ZZEF1: variants seen among roughly 807,000 people sequenced by gnomAD.
ZZEF1 encodes the protein zinc finger ZZ-type and EF-hand domain-containing protein 1.
A neutral mutation model predicts 342.8 loss-of-function variants in ZZEF1; 157 were observed. That is an observed-to-expected ratio of 0.46 (90% CI 0.40 to 0.52). The LOEUF (loss-of-function observed/expected upper bound fraction) is 0.52. Among genes scored for constraint, ZZEF1 ranks in the 20% least tolerant of loss-of-function variants. The pLI, the probability that ZZEF1 is intolerant of heterozygous loss-of-function variation, is 0.00. For synonymous variants in ZZEF1, 1,505 were observed against 1,429.1 expected (o/e 1.05, Z -1.20); for missense variants, 3,480 against 3,725.6 (o/e 0.93, Z 1.72).
rs115749448 is a variant in ZZEF1 at position 4,129,992 on chromosome 17, C to T, written c.355-5941G>A. 4.9e-3 allele frequency among the ~76,000 whole-genome samples: 739 copies of T among 152,100 alleles called. 5 individuals are homozygous for T. Among genetic ancestry groups the T allele is most frequent in the African/African-American group, 0.017 (716 of 41,478 alleles). ...ACTCGAGAACACAAAGAAGAAACAA[C>T]GGACCCTGGGGCCTACCTAAGGTGG... On this transcript the variant is annotated intron_variant, in intron 1 of 54. Transcript: ENST00000381638.
At position 4,051,999 on chromosome 17, in the gene ZZEF1, A is replaced by T. The variant is rs553484349; in HGVS notation, c.5572T>A (p.Cys1858Ser). The change falls in exon 35 of 55, where the codon TGC (cysteine) becomes AGC (serine). Residue 1858 changes from cysteine to serine, a missense_variant. Physicochemically the swap from Cys to Ser is moderately radical, Grantham distance 112. This residue lies in a region of ZZEF1 where 175 missense variants were observed against 254.6 expected (regional missense o/e 0.69). Coordinates refer to ENST00000381638, the MANE Select transcript of ZZEF1 (RefSeq NM_015113.4). ...TAGGAGTATTTCTTCGCTGCATAGC[A>T]TCCGTAGCAAAGATCAAAGTCATCG... Reference protein sequence around the residue: ...VCDDFDLCYGCYAAKKYSYGH... With the variant: ...VCDDFDLCYGSYAAKKYSYGH... The T allele has an allele frequency of 6.2e-7, 1 of 1,614,138 alleles. No homozygotes were observed. Among genetic ancestry groups the T allele is most frequent in the Non-Finnish European group, 8.5e-7 (1 of 1,180,000 alleles).
rs763560062 is a variant in ZZEF1, at chr17:4,050,792, T to C, written c.5852A>G (p.His1951Arg). The C allele has an allele frequency of 1.9e-6, 3 of 1,613,910 alleles. No homozygotes were observed. In the East Asian group the frequency reaches 6.7e-5, roughly 36 times the overall value. Residue 1951 changes from histidine (H) to arginine (R), a missense_variant, in exon 36 of 55, where the codon CAT becomes CGT. His to Arg is a conservative substitution (Grantham distance 29). Transcript: ENST00000381638. The stretch of plus-strand genomic sequence containing the variant: ...CATTGGGAAGTCACCTTTTCCCTGA[T>C]GAGCCTTCATCAGACAGTCCCCGAC... ...QLVGDCLMKA[H>R]QGKGLKALAL...
chr17:4,112,892 T>C, intron 4 of ZZEF1, 84 bp from the exon 5 acceptor site: 1 of 1,189,300 alleles, frequency 8.4e-7, no homozygotes, highest in Non-Finnish European at 1.1e-6. Context: ...TCAAAGAGCT[T>C]ACATTTGATA....
intron 1 of ZZEF1, among the ~76,000 whole-genome samples, chr17:4,137,824 G>A (rs1321970940): frequency 6.6e-6 from 1 of 152,234 alleles, no homozygotes; most frequent in East Asian, 1.9e-4. Flanking sequence ...AGCCTCAGCT[G>A]TAGGGCTGAA....
rs1262109404 is a variant in ZZEF1, at chr17:4,050,907, G to A, written c.5737C>T (p.Leu1913=). 1 of 1,614,224 alleles carries A rather than the reference G, an allele frequency of 6.2e-7. No homozygotes were observed. Among genetic ancestry groups the A allele is most frequent in the South Asian group, 1.1e-5 (1 of 91,086 alleles). ...FAALALYSAH[L]ASAEDVDGEK... ...CCATCCACATCCTCTGCACTGGCCA[G>A]GTGGGCGCTATAGAGAGCCAGGGCA... The change falls in exon 36 of 55, where the codon CTG becomes TTG. Residue 1913 remains leucine, a synonymous_variant. Transcript: ENST00000381638.
intron 30 of ZZEF1, among the ~76,000 whole-genome samples, chr17:4,061,069 G>A (rs991670245): frequency 6.6e-6 from 1 of 152,192 alleles, no homozygotes; most frequent in Non-Finnish European, 1.5e-5. Context: ...TAAACTAAAT[G>A]TCTGTAGTCT....
At chr17:4,065,960 T>C (rs1204713982) in intron 28 of ZZEF1, among the ~76,000 whole-genome samples, 1 of 151,802 alleles carries the variant, frequency 6.6e-6, no homozygotes, top group Non-Finnish European at 1.5e-5. Context: ...GTGAGACCCC[T>C]TCTCTAAAAA....
chr17:4,137,469 G>A (rs982625361), intron 1 of ZZEF1, among the ~76,000 whole-genome samples: 73 of 152,128 alleles, frequency 4.8e-4, no homozygotes, highest in Non-Finnish European at 8.5e-4. Context: ...AAAATTAGCC[G>A]GGCGTGGTGG....
chr17:4,017,813 G>A lies in ZZEF1; in HGVS notation c.7641+23C>T, dbSNP rs1383855448. The A allele has an allele frequency of 1.2e-6, 2 of 1,614,100 alleles. No homozygotes were observed. Among genetic ancestry groups the A allele is most frequent in the Admixed American group, 3.3e-5 (2 of 60,020 alleles). On this transcript the variant is annotated intron_variant, in intron 47 of 54. Coordinates refer to ENST00000381638, the MANE Select transcript of ZZEF1 (RefSeq NM_015113.4). This position sits in a 1 kb window ranked among gnomAD's most constrained non-coding sequence, Gnocchi z 5.1. ...GTGGGGGATGGGGTGCAGATACTTT[G>A]GGTCCGAGGTCGGGTGACATACCAA...
chr17:4,005,525 C>T lies in ZZEF1; in HGVS notation c.*1365G>A, dbSNP rs187572951. 65 of 152,504 alleles carry T rather than the reference C, an allele frequency of 4.3e-4. No homozygotes were observed. The highest frequency in any genetic ancestry group is 1.8e-3 in the Admixed American group (27 of 15,312). The allele number at this position is 152,504 out of a possible 1,614,324, so 9.4% of individuals were successfully genotyped here. Reference sequence around the variant, plus strand: ...TTGTAGGGCTGTGAAGCCCGCTGCACCTTGGAGTCCTGACCCAGAAGGCGA... The same window carrying T: ...TTGTAGGGCTGTGAAGCCCGCTGCATCTTGGAGTCCTGACCCAGAAGGCGA... On this transcript the variant is annotated 3_prime_UTR_variant, in exon 55 of 55. Coordinates refer to ENST00000381638, the MANE Select transcript of ZZEF1 (RefSeq NM_015113.4).
At chr17:4,116,162 T>C (rs983296441) in intron 3 of ZZEF1, among the ~76,000 whole-genome samples, 1 of 152,080 alleles carries the variant, frequency 6.6e-6, no homozygotes, top group Admixed American at 6.5e-5. Flanking sequence ...CTACTAAAAA[T>C]ACAGAAATTA....
At chr17:4,012,563 A>G (rs1348093777) in intron 52 of ZZEF1, among the ~76,000 whole-genome samples, 1 of 152,202 alleles carries the variant, frequency 6.6e-6, no homozygotes, top group Non-Finnish European at 1.5e-5. Flanking sequence ...GCAGACAGAC[A>G]ACATATATGG....
chr17:4,078,676 G>A (rs2057668326), intron 18 of ZZEF1, among the ~76,000 whole-genome samples: 3 of 152,176 alleles, frequency 2.0e-5, no homozygotes, highest in Non-Finnish European at 4.4e-5. Context: ...AAAGATACTG[G>A]GAATGTCTAG....
rs2056040051 is a variant in ZZEF1, at chr17:4,014,176, TAC to T, written c.8325_8326del (p.Tyr2776LeufsTer85). The T allele has an allele frequency of 6.2e-7, 1 of 1,613,982 alleles. No homozygotes were observed. The highest frequency in any genetic ancestry group is 8.5e-7 in the Non-Finnish European group (1 of 1,180,032). ...GCTCATGTCGGAGGTGAAGCGGTAA[TAC>T]AGAGTGTCTCCTAGGCACACAAGGA... On this transcript the variant is annotated frameshift_variant, in exon 51 of 55. Transcript: ENST00000381638. LOFTEE classifies it high-confidence loss of function. This position sits in a 1 kb window ranked among gnomAD's most constrained non-coding sequence, Gnocchi z 4.4.
rs1464241190 is a variant in ZZEF1, at chr17:4,017,123, C to G, written c.8001+248G>C. On this transcript the variant is annotated intron_variant, in intron 48 of 54. Coordinates refer to ENST00000381638, the MANE Select transcript of ZZEF1 (RefSeq NM_015113.4). The surrounding 1 kb of genome is among the most constrained non-coding windows in gnomAD (Gnocchi z 5.1). ...CCGAATGTGCCTCAAGATTTCTGCA[C>G]TTGGAAACTGGGAAGATGGCGACAA... is the stretch of plus-strand genomic sequence containing the variant. The G allele has an allele frequency of 1.8e-5, 9 of 504,820 alleles. No individual in the cohort carries two copies. The highest frequency in any genetic ancestry group is 1.1e-4 in the Admixed American group (3 of 28,262). The allele number at this position is 504,820 out of a possible 1,614,324, so 31.3% of individuals were successfully genotyped here. A position where few individuals can be genotyped will look rare whatever the true frequency, so the allele number is the denominator to read the frequency against.
At chr17:4,010,251 G>C (rs2055911456) in intron 52 of ZZEF1, among the ~76,000 whole-genome samples, 1 of 152,018 alleles carries the variant, frequency 6.6e-6, no homozygotes, top group African/African-American at 2.4e-5. Context: ...CTACTCGAGA[G>C]GCTGAGGTGG....
intron 52 of ZZEF1, among the ~76,000 whole-genome samples, chr17:4,010,592 G>GT: frequency 6.6e-6 from 1 of 151,478 alleles, no homozygotes; most frequent in Non-Finnish European, 1.5e-5. Flanking sequence ...GAGCGTGGTG[G>GT]TGGGCGCCTG....
At chr17:4,088,398 A>G (rs1567830709) in intron 13 of ZZEF1, among the ~76,000 whole-genome samples, 1 of 152,174 alleles carries the variant, frequency 6.6e-6, no homozygotes, top group African/African-American at 2.4e-5. Flanking sequence ...TCCCCATGGC[A>G]GCCACGGCCA....
intron 1 of ZZEF1, among the ~76,000 whole-genome samples, chr17:4,127,259 C>T (rs1203127391): frequency 6.6e-6 from 1 of 151,824 alleles, no homozygotes; most frequent in Non-Finnish European, 1.5e-5. Flanking sequence ...CCACCTCGGC[C>T]TCCCAAAGAG....
Sources: gnomAD v4.1 joint callset for allele counts (sites outside exome capture counted in the v4.1 genomes callset) on GRCh38, gnomAD v4.1.1 for gene constraint, gnomAD v4.1.1 regional missense constraint, Gnocchi (gnomAD v3.1) non-coding constraint, MANE v1.5 for transcripts, NCBI Gene and HGNC (gene_info 2026-07-23, HGNC 2026-07-21) for gene names.